Variants in AVEN observed in about 807,000 individuals in gnomAD.
The protein encoded by AVEN is cell death regulator Aven.
In AVEN, 41 loss-of-function variants were observed where a neutral mutation model predicts 38.1. That is an observed-to-expected ratio of 1.08 (90% CI 0.84 to 1.40). The LOEUF is 1.40. AVEN is among the 40% of genes most tolerant of loss of function. AVEN has a pLI of 0.00. For missense variants in AVEN, 605 were observed against 438.8 expected (o/e 1.38, Z -3.38); for synonymous variants, 206 against 171.8 (o/e 1.20, Z -1.56).
rs775349309 is a variant in AVEN, at chr15:33,867,846, G to T, written c.622C>A (p.Pro208Thr). ...VAAELVQGTV[P>T]LEVPQVKPKR... Reference sequence around the variant, plus strand: ...GGTTTCACCTGAGGAACCTCTAAAGGAACTGTACCCTGAAAGAGAAGTATA... The same window carrying T: ...GGTTTCACCTGAGGAACCTCTAAAGTAACTGTACCCTGAAAGAGAAGTATA... The change falls in exon 5 of 6, where the codon CCT (proline) becomes ACT (threonine). Residue 208 changes from proline (P) to threonine (T), a missense_variant. Pro to Thr is a conservative substitution (Grantham distance 38). Coordinates refer to ENST00000306730, the MANE Select transcript of AVEN (RefSeq NM_020371.3). The T allele has an allele frequency of 6.4e-7, 1 of 1,574,390 alleles. No homozygotes were observed. Among genetic ancestry groups the T allele is most frequent in the South Asian group, 1.2e-5 (1 of 84,470 alleles).
intron 2 of AVEN, among the ~76,000 whole-genome samples, chr15:33,949,366 G>A (rs921025982): frequency 6.6e-5 from 10 of 152,126 alleles, no homozygotes; most frequent in Non-Finnish European, 1.3e-4. Flanking sequence ...TATAGTTATC[G>A]TTAATTTACG....
intron 2 of AVEN, among the ~76,000 whole-genome samples, chr15:33,954,346 T>C (rs1398883080): frequency 6.6e-6 from 1 of 152,212 alleles, no homozygotes; most frequent in Non-Finnish European, 1.5e-5. Context: ...TAAAGACACA[T>C]GCACACGTAT....
chr15:34,055,986 G>A (rs1200375520), intron 5 of AVEN, among the ~76,000 whole-genome samples: 8 of 152,088 alleles, frequency 5.3e-5, no homozygotes, highest in African/African-American at 1.9e-4. Context: ...CCAAAGTGCT[G>A]GGATTACATG....
At chr15:34,044,278 C>A (rs1178532071) in intron 5 of AVEN, among the ~76,000 whole-genome samples, 1 of 152,134 alleles carries the variant, frequency 6.6e-6, no homozygotes, top group African/African-American at 2.4e-5. Flanking sequence ...ACCAAAACAA[C>A]TTAGCAAGTT....
intron 2 of AVEN, among the ~76,000 whole-genome samples, chr15:33,968,099 TA>T (rs71119906): frequency 0.081 from 2,067 of 25,668 alleles, 98 homozygotes; most frequent in African/African-American, 0.2. Context: ...TAGCAAAGCT[TA>T]AAAAAAAAAA....
chr15:33,964,286 C>G (rs1401695310), intron 2 of AVEN, among the ~76,000 whole-genome samples: 2 of 152,010 alleles, frequency 1.3e-5, no homozygotes, highest in East Asian at 3.9e-4. Context: ...CTGGAGACCT[C>G]TAGTGGTTGT....
intron 5 of AVEN, among the ~76,000 whole-genome samples, chr15:34,045,685 G>A (rs1383593426): frequency 6.6e-6 from 1 of 151,660 alleles, no homozygotes. Context: ...GACAGGTTCA[G>A]GCATAAAGCT....
intron 2 of AVEN, among the ~76,000 whole-genome samples, chr15:33,880,927 T>C (rs973241970): frequency 6.6e-6 from 1 of 151,908 alleles, no homozygotes; most frequent in Non-Finnish European, 1.5e-5. Context: ...AAAATACACA[T>C]AAAGAATATA....
chr15:34,011,538 A>G (rs1455710277), intron 1 of AVEN, among the ~76,000 whole-genome samples: 2 of 152,214 alleles, frequency 1.3e-5, no homozygotes, highest in Admixed American at 1.3e-4. Context: ...TCCACATGAT[A>G]GTCAAATTCA....
intron 2 of AVEN, among the ~76,000 whole-genome samples, chr15:33,920,273 C>T (rs1385719806): frequency 2.0e-5 from 3 of 152,162 alleles, no homozygotes; most frequent in Non-Finnish European, 4.4e-5. Context: ...TGCATATTGT[C>T]CTGCAACCAA....
chr15:33,918,909 T>A (rs978009179), intron 2 of AVEN, among the ~76,000 whole-genome samples: 2 of 148,610 alleles, frequency 1.3e-5, no homozygotes, highest in Non-Finnish European at 3.0e-5. Flanking sequence ...AAATAGCCCA[T>A]GCCTCTGCTT....
At chr15:33,913,946 C>A (rs1893017817) in intron 2 of AVEN, among the ~76,000 whole-genome samples, 1 of 152,142 alleles carries the variant, frequency 6.6e-6, no homozygotes. Flanking sequence ...TATAAAATAT[C>A]ATTGTTCTTC....
chr15:33,927,766 C>T (rs1317837789), intron 2 of AVEN, among the ~76,000 whole-genome samples: 1 of 152,208 alleles, frequency 6.6e-6, no homozygotes, highest in Non-Finnish European at 1.5e-5. Flanking sequence ...CACTTTCTTT[C>T]CATTCAAACT....
At chr15:33,886,077 G>A (rs1054830778) in intron 2 of AVEN, among the ~76,000 whole-genome samples, 1 of 152,146 alleles carries the variant, frequency 6.6e-6, no homozygotes, top group African/African-American at 2.4e-5. Flanking sequence ...GTCAGGATAA[G>A]CTCTGGCTGC....
intron 2 of AVEN, among the ~76,000 whole-genome samples, chr15:33,982,147 A>G (rs56965184): frequency 0.27 from 40,554 of 151,824 alleles, 7,569 homozygotes; most frequent in African/African-American, 0.52. Flanking sequence ...GATTACAGGC[A>G]TGAACCACCA....
chr15:33,994,289 T>G (rs1017685206), intron 2 of AVEN, among the ~76,000 whole-genome samples: 1 of 152,192 alleles, frequency 6.6e-6, no homozygotes, highest in African/African-American at 2.4e-5. Flanking sequence ...GGGATCCAGG[T>G]TGCACGCTCC....
chr15:34,009,703 T>C (rs1289238739), intron 1 of AVEN, among the ~76,000 whole-genome samples: 1 of 152,082 alleles, frequency 6.6e-6, no homozygotes, highest in Non-Finnish European at 1.5e-5. Flanking sequence ...GATATAACAA[T>C]AGGGCCAGGC....
chr15:34,069,045 T>C (rs961100871), intron 2 of AVEN, among the ~76,000 whole-genome samples: 1 of 151,314 alleles, frequency 6.6e-6, no homozygotes, highest in African/African-American at 2.4e-5. Flanking sequence ...TCTCCTGACC[T>C]CATGATCCAC....
At chr15:33,993,835 A>T (rs1056690966) in intron 2 of AVEN, among the ~76,000 whole-genome samples, 31 of 4,422 alleles carry the variant, frequency 7.0e-3, no homozygotes, top group African/African-American at 0.011. Context: ...TCCTTAAAAA[A>T]TAGGGTTTTT....
Sources: gnomAD v4.1 joint callset for allele counts (sites outside exome capture counted in the v4.1 genomes callset) on GRCh38, gnomAD v4.1.1 for gene constraint, MANE v1.5 for transcripts, NCBI Gene and HGNC (gene_info 2026-07-23, HGNC 2026-07-21) for gene names.